The following MTFR1L variants were observed in gnomAD, a reference collection of about 807,000 sequenced individuals.
MTFR1L encodes mitochondrial fission regulator 1 like, also known as mitochondrial fission regulator 1-like.
In MTFR1L, 10 loss-of-function variants were observed where a neutral mutation model predicts 27.9. The observed-to-expected ratio is 0.36, with a 90% CI of 0.22 to 0.61. The LOEUF is 0.61. Ranked by LOEUF, MTFR1L falls within the 20% of genes least tolerant of loss-of-function variation. The probability of loss-of-function intolerance (pLI) is 0.73; values close to 1 mark genes in which losing one functional copy is unlikely to be tolerated. For missense variants in MTFR1L, 315 were observed against 363.7 expected (o/e 0.87, Z 1.09); for synonymous variants, 151 against 139.4 (o/e 1.08, Z -0.58).
At chr1:25,822,266 C>G (rs1191347762) in intron 1 of MTFR1L, 1 of 152,278 alleles carries the variant, frequency 6.6e-6, no homozygotes, top group Non-Finnish European at 1.5e-5. Context: ...CTCTTTTTCT[C>G]TGTAGCTCAT....
intron 1 of MTFR1L, chr1:25,820,699 G>A (rs2048077311): frequency 2.3e-6 from 1 of 432,064 alleles, no homozygotes; most frequent in Non-Finnish European, 4.6e-6. Context: ...ACCGGGGGAA[G>A]ATCTTCTAGC....
intron 3 of MTFR1L, among the ~76,000 whole-genome samples, chr1:25,825,236 T>G (rs1185802042): frequency 6.6e-6 from 1 of 152,188 alleles, no homozygotes; most frequent in Non-Finnish European, 1.5e-5. Context: ...CAGTTGAATC[T>G]TACTTGTGTG....
intron 5 of MTFR1L, among the ~76,000 whole-genome samples, chr1:25,827,716 T>C (rs2048186477): frequency 1.3e-5 from 2 of 151,202 alleles, no homozygotes; most frequent in Non-Finnish European, 2.9e-5. Flanking sequence ...GCTAAGATTA[T>C]AGGCATGAGC....
chr1:25,821,334 C>G (rs771022414), intron 1 of MTFR1L, among the ~76,000 whole-genome samples: 1 of 152,208 alleles, frequency 6.6e-6, no homozygotes, highest in Non-Finnish European at 1.5e-5. Flanking sequence ...CACGGACATT[C>G]AGCACAGAGC....
chr1:25,826,196 TTCC>T lies in MTFR1L; in HGVS notation c.130-104_130-102del. On this transcript the variant is annotated intron_variant, in intron 3 of 6. Coordinates refer to ENST00000374303, the MANE Select transcript of MTFR1L (RefSeq NM_001099625.2). This position sits in a 1 kb window ranked among gnomAD's most constrained non-coding sequence, Gnocchi z 4.1. ...CTTCTTCTGCCCCCTCTAGGAAGCC[TTCC>T]TGACACCCAGTGCCGGATTAGGTAC... 1 of 909,814 alleles carries T rather than the reference TTCC, an allele frequency of 1.1e-6. No homozygotes were observed. The allele number at this position is 909,814 out of a possible 1,614,324, so 56.4% of individuals were successfully genotyped here. A position where few individuals can be genotyped will look rare whatever the true frequency, so the allele number is the denominator to read the frequency against.
chr1:25,820,894 GGACCTGACCCT>G (rs2048082086), intron 1 of MTFR1L: 2 of 349,084 alleles, frequency 5.7e-6, no homozygotes, highest in African/African-American at 4.7e-5. Context: ...GCACAGGAAA[GGACCTGACCCT>G]GTCGCAGGGA....
rs1037947703 is a variant in MTFR1L, at chr1:25,826,549, G to A, written c.240-66G>A. ...CTATACTACTCTCACAGAAGTGGGGGAAGGAACCTTAGGAGCACAGTGGCC... is the reference window on the plus strand; with the variant it reads ...CTATACTACTCTCACAGAAGTGGGGAAAGGAACCTTAGGAGCACAGTGGCC... On this transcript the variant is annotated intron_variant, in intron 4 of 6. Transcript: ENST00000374303. This position sits in a 1 kb window ranked among gnomAD's most constrained non-coding sequence, Gnocchi z 4.1. The A allele has an allele frequency of 3.8e-6, 6 of 1,598,540 alleles. No individual in the cohort carries two copies. The African/African-American group carries it at 8.1e-5, about 21-fold the overall frequency.
At chr1:25,830,295 C>A (rs955951201) in intron 6 of MTFR1L, among the ~76,000 whole-genome samples, 3 of 152,162 alleles carry the variant, frequency 2.0e-5, no homozygotes, top group African/African-American at 7.2e-5. Flanking sequence ...GCAAACAAAC[C>A]CTGCACATTC....
intron 1 of MTFR1L, among the ~76,000 whole-genome samples, chr1:25,821,355 G>C (rs921704452): frequency 6.6e-6 from 1 of 152,204 alleles, no homozygotes; most frequent in Non-Finnish European, 1.5e-5. Context: ...CTGGCACACA[G>C]AGGGACTCTG....
chr1:25,820,526 C>G (rs1344032265), intron 1 of MTFR1L: 1 of 354,526 alleles, frequency 2.8e-6, no homozygotes, highest in Non-Finnish European at 5.3e-6. Context: ...TCACTGAGCG[C>G]GGCGGCCTCC....
intron 5 of MTFR1L, among the ~76,000 whole-genome samples, chr1:25,827,233 G>A (rs1348525412): frequency 1.3e-5 from 2 of 151,218 alleles, no homozygotes; most frequent in Non-Finnish European, 3.0e-5. Flanking sequence ...CCTCCCAGGT[G>A]CAAGCGATTC....
Position 25,822,846 on chromosome 1 carries a change from T to C in MTFR1L, c.-86-173T>C. 1.2e-5 allele frequency: 7 copies of C among 581,966 alleles called. No homozygotes were observed. The South Asian group carries it at 1.4e-4, about 12-fold the overall frequency. The allele number at this position is 581,966 out of a possible 1,614,324, so 36.1% of individuals were successfully genotyped here. On this transcript the variant is annotated intron_variant, in intron 1 of 6. Transcript: ENST00000374303. ...TGGCCGCAGATCTTTAACAGAACCT[T>C]TAAGAGTCTGGACTTAGAGCTAAGT...
Position 25,820,041 on chromosome 1 carries a change from T to G in MTFR1L, c.-87+12T>G, listed in dbSNP as rs1191462313. 1 of 391,412 alleles carries G rather than the reference T, an allele frequency of 2.6e-6. No homozygotes were observed. The highest frequency in any genetic ancestry group is 5.0e-6 in the Non-Finnish European group (1 of 201,944). The allele number at this position is 391,412 out of a possible 1,614,324, so 24.2% of individuals were successfully genotyped here. A position where few individuals can be genotyped will look rare whatever the true frequency, so the allele number is the denominator to read the frequency against. On this transcript the variant is annotated intron_variant, in intron 1 of 6. Transcript: ENST00000374303. The stretch of plus-strand genomic sequence containing the variant: ...AGCCCGAGCTTGAGGTGAGAAAGGT[T>G]CTAGGGAGGCGCGGAGGCGGGAGCG...
In MTFR1L at chr1:25,829,430, A is replaced by G. The variant is rs533808755; in HGVS notation, c.452-79A>G. 11 of 1,277,462 alleles carry G rather than the reference A, an allele frequency of 8.6e-6. No individual in the cohort carries two copies. The African/African-American group carries it at 8.9e-5, about 10-fold the overall frequency. The allele number at this position is 1,277,462 out of a possible 1,614,324, so 79.1% of individuals were successfully genotyped here. On this transcript the variant is annotated intron_variant, in intron 5 of 6. Coordinates refer to ENST00000374303, the MANE Select transcript of MTFR1L (RefSeq NM_001099625.2). ...TCAGCCCAGGAAATGAATGTTCAGTAGGCAGGGCTGTGGGGAGAAGATATT... is the reference window on the plus strand; with the variant it reads ...TCAGCCCAGGAAATGAATGTTCAGTGGGCAGGGCTGTGGGGAGAAGATATT...
chr1:25,831,790 T>C (rs2048244424), intron 6 of MTFR1L, 131 bp from the exon 7 acceptor site: 2 of 831,218 alleles, frequency 2.4e-6, no homozygotes, highest in Admixed American at 2.1e-5. Context: ...AATTTCCTTA[T>C]CTGTGAAAGG....
rs1363567110 is a variant in MTFR1L at position 25,831,887 on chromosome 1, AGAGT to A, written c.774-33_774-30del. 4.5e-6 allele frequency: 7 copies of A among 1,543,776 alleles called. No individual in the cohort carries two copies. The African/African-American group carries it at 8.2e-5, about 18-fold the overall frequency. ...AAAGATATACAGCACTACACAGGAA[AGAGT>A]AAGTACTCAAGCTATTATTGTGTCT... On this transcript the variant is annotated intron_variant, in intron 6 of 6. Transcript: ENST00000374303.
chr1:25,826,522 T>G lies in MTFR1L; in HGVS notation c.240-93T>G, dbSNP rs1000340608. 15 of 1,574,354 alleles carry G rather than the reference T, an allele frequency of 9.5e-6. No individual in the cohort carries two copies. The African/African-American group carries it at 2.0e-4, about 21-fold the overall frequency. ...GTGGGCTCAGAGAGGAGCAGAACCT[T>G]ACTATACTACTCTCACAGAAGTGGG... On this transcript the variant is annotated intron_variant, in intron 4 of 6. Coordinates refer to ENST00000374303, the MANE Select transcript of MTFR1L (RefSeq NM_001099625.2). The surrounding 1 kb of genome is among the most constrained non-coding windows in gnomAD (Gnocchi z 4.1).
chr1:25,823,653 A>T lies in MTFR1L; in HGVS notation c.34A>T (p.Ile12Phe). Residue 12 changes from isoleucine to phenylalanine, a missense_variant, in exon 3 of 7, where the codon ATC becomes TTC. Physicochemically the swap from Ile to Phe is conservative, Grantham distance 21. Coordinates refer to ENST00000374303, the MANE Select transcript of MTFR1L (RefSeq NM_001099625.2). ...CGTCTCTTTGCTCCAGACCATCCCAATCTGGCAAAACAAGCCACATGGGGC... is the reference window on the plus strand; with the variant it reads ...CGTCTCTTTGCTCCAGACCATCCCATTCTGGCAAAACAAGCCACATGGGGC... ...SGMEATVTIPIWQNKPHGAAR... is the reference protein window; with the variant it reads ...SGMEATVTIPFWQNKPHGAAR... The T allele has an allele frequency of 6.2e-7, 1 of 1,613,780 alleles. No individual in the cohort carries two copies. The highest frequency in any genetic ancestry group is 1.1e-5 in the South Asian group (1 of 91,052).
In MTFR1L at chr1:25,823,584, C is replaced by T. The variant is rs775630751; in HGVS notation, c.25-60C>T. 4 of 1,586,680 alleles carry T rather than the reference C, an allele frequency of 2.5e-6. No individual in the cohort carries two copies. The South Asian group carries it at 4.6e-5, about 18-fold the overall frequency. ...CTCCACAAACCTAGAGAGGAGAGGA[C>T]AAGGACAGTAGTTGGATTCATTCTC... is the stretch of plus-strand genomic sequence containing the variant. On this transcript the variant is annotated intron_variant, in intron 2 of 6. Transcript: ENST00000374303.
Sources: gnomAD v4.1 joint callset for allele counts (sites outside exome capture counted in the v4.1 genomes callset) on GRCh38, gnomAD v4.1.1 for gene constraint, Gnocchi (gnomAD v3.1) non-coding constraint, MANE v1.5 for transcripts, NCBI Gene and HGNC (gene_info 2026-07-23, HGNC 2026-07-21) for gene names.